Variants in SEMA5A observed in about 807,000 individuals in gnomAD.
SEMA5A encodes the protein semaphorin 5A.
A neutral mutation model predicts 135.5 loss-of-function variants in SEMA5A; 55 were observed. The observed-to-expected ratio is 0.41, with a 90% CI of 0.33 to 0.51. SEMA5A has a LOEUF of 0.51. SEMA5A is among the 20% of genes least tolerant of loss of function. SEMA5A has a pLI of 0.37. For synonymous variants in SEMA5A, 580 were observed against 546.5 expected (o/e 1.06, Z -0.85); for missense variants, 1,290 against 1,419.9 (o/e 0.91, Z 1.47).
At chr5:9,160,314 T>A (rs1743183123) in intron 11 of SEMA5A, among the ~76,000 whole-genome samples, 1 of 152,144 alleles carries the variant, frequency 6.6e-6, no homozygotes, top group South Asian at 2.1e-4. Context: ...AATGACCCCC[T>A]CCCTCTGTAC....
intron 2 of SEMA5A, among the ~76,000 whole-genome samples, chr5:9,417,452 A>G (rs1186917984): frequency 1.3e-5 from 2 of 152,158 alleles, no homozygotes; most frequent in African/African-American, 4.8e-5. Context: ...TTTTCTTTCA[A>G]CTATCCATAT....
At chr5:9,476,810 T>A (rs1759683929) in intron 1 of SEMA5A, among the ~76,000 whole-genome samples, 1 of 152,128 alleles carries the variant, frequency 6.6e-6, no homozygotes, top group Non-Finnish European at 1.5e-5. Context: ...TGGTGGCTCA[T>A]ATCTGTCATC....
chr5:9,426,842 CACTT>C (rs1757679420), intron 2 of SEMA5A, among the ~76,000 whole-genome samples: 1 of 152,134 alleles, frequency 6.6e-6, no homozygotes, highest in Admixed American at 6.5e-5. Flanking sequence ...ACAAACAAAA[CACTT>C]AATATTATAA....
intron 2 of SEMA5A, among the ~76,000 whole-genome samples, chr5:9,394,065 G>A (rs557264422): frequency 8.6e-5 from 13 of 152,046 alleles, no homozygotes; most frequent in South Asian, 2.1e-4. Context: ...TTTTGAATTC[G>A]ATAAAAGTAA....
chr5:9,150,716 T>C (rs1742587998), intron 12 of SEMA5A, among the ~76,000 whole-genome samples: 1 of 152,108 alleles, frequency 6.6e-6, no homozygotes, highest in Admixed American at 6.6e-5. Flanking sequence ...GAGACTCAGC[T>C]TAGAAAGCTT....
At position 9,190,395 on chromosome 5, in the gene SEMA5A, A is replaced by G; in HGVS notation, c.1145T>C (p.Met382Thr). Residue 382 changes from methionine to threonine, a missense_variant, in exon 11 of 23, where the codon ATG becomes ACG. By Grantham distance (81) the Met-to-Thr change is moderately conservative (BLOSUM62 -1). Transcript: ENST00000382496. ...GGTCACTGGCTGTACCACCTCATGCATCAGAATGAACTTCTGAGCATCCTG... is the reference window on the plus strand; with the variant it reads ...GGTCACTGGCTGTACCACCTCATGCGTCAGAATGAACTTCTGAGCATCCTG... The part of the protein sequence containing the change: ...NLQDAQKFIL[M>T]HEVVQPVTTV... 6.2e-7 allele frequency: 1 copy of G among 1,613,962 alleles called. No individual in the cohort carries two copies. Among genetic ancestry groups the G allele is most frequent in the Non-Finnish European group, 8.5e-7 (1 of 1,179,998 alleles).
At chr5:9,046,756 G>C (rs1323650185) in intron 21 of SEMA5A, among the ~76,000 whole-genome samples, 1 of 152,218 alleles carries the variant, frequency 6.6e-6, no homozygotes, top group Admixed American at 6.5e-5. Flanking sequence ...CAGGAACCCA[G>C]GACTTTGGAG....
At chr5:9,192,671 CAT>C (rs143480420) in intron 10 of SEMA5A, among the ~76,000 whole-genome samples, 2,866 of 152,232 alleles carry the variant, frequency 0.019, 78 homozygotes, top group African/African-American at 0.063. Context: ...CCTGTCAACA[CAT>C]GTTTTAAAAA....
intron 12 of SEMA5A, among the ~76,000 whole-genome samples, chr5:9,142,971 C>G (rs895994488): frequency 2.1e-5 from 3 of 143,338 alleles, no homozygotes; most frequent in Non-Finnish European, 3.1e-5. Context: ...AACAAACAAA[C>G]AAATTATCTT....
At chr5:9,202,262 G>T in intron 8 of SEMA5A, 22 bp from the exon 9 acceptor site, 4 of 1,601,972 alleles carry the variant, frequency 2.5e-6, no homozygotes, top group Non-Finnish European at 3.4e-6. Context: ...AGAAAAGAGG[G>T]AAAAAATCTC....
intron 16 of SEMA5A, among the ~76,000 whole-genome samples, chr5:9,089,620 T>C (rs1335764215): frequency 1.3e-5 from 2 of 152,194 alleles, no homozygotes; most frequent in African/African-American, 2.4e-5. Flanking sequence ...ACCACCCTTA[T>C]TTCTTTACCT....
chr5:9,427,703 C>A (rs981606262), intron 2 of SEMA5A, among the ~76,000 whole-genome samples: 2 of 152,116 alleles, frequency 1.3e-5, no homozygotes, highest in African/African-American at 4.8e-5. Flanking sequence ...GTGTGTGTAT[C>A]CACAGTCACA....
chr5:9,520,365 G>A (rs1736756281), intron 1 of SEMA5A, among the ~76,000 whole-genome samples: 4 of 152,198 alleles, frequency 2.6e-5, no homozygotes, highest in Admixed American at 2.6e-4. Context: ...AGAGAACAGA[G>A]GAATGGCGTG....
intron 16 of SEMA5A, among the ~76,000 whole-genome samples, chr5:9,067,145 T>C (rs945107042): frequency 6.6e-6 from 1 of 152,180 alleles, no homozygotes; most frequent in Admixed American, 6.5e-5. Context: ...TTTTTACGTA[T>C]AAGGTTTCCC....
chr5:9,365,193 T>C (rs1309347582), intron 3 of SEMA5A, among the ~76,000 whole-genome samples: 6 of 152,212 alleles, frequency 3.9e-5, no homozygotes. Flanking sequence ...GGATCTTCCT[T>C]GCTAACAGAA....
intron 16 of SEMA5A, among the ~76,000 whole-genome samples, chr5:9,074,059 A>G (rs1172187388): frequency 6.6e-6 from 1 of 152,174 alleles, no homozygotes; most frequent in Non-Finnish European, 1.5e-5. Flanking sequence ...GGCAAGGAAG[A>G]ACAAAGTAGG....
chr5:9,422,776 CAG>C (rs1757514368), intron 2 of SEMA5A, among the ~76,000 whole-genome samples: 1 of 152,104 alleles, frequency 6.6e-6, no homozygotes. Flanking sequence ...AATTTTTTAT[CAG>C]ACTATTATTG....
intron 3 of SEMA5A, among the ~76,000 whole-genome samples, chr5:9,366,838 T>C (rs924451634): frequency 6.6e-6 from 1 of 152,230 alleles, no homozygotes; most frequent in Non-Finnish European, 1.5e-5. Context: ...ACCTTAGATA[T>C]AGTAGCCCTA....
chr5:9,189,751 T>A (rs1025822965), intron 11 of SEMA5A, among the ~76,000 whole-genome samples: 1 of 152,256 alleles, frequency 6.6e-6, no homozygotes, highest in Non-Finnish European at 1.5e-5. Context: ...AATTGTCATT[T>A]GTAATTTGAA....
Sources: allele counts gnomAD v4.1 joint callset (sites outside exome capture counted in the v4.1 genomes callset), GRCh38; gene constraint gnomAD v4.1.1; transcripts MANE v1.5; gene names NCBI Gene and HGNC (gene_info 2026-07-23, HGNC 2026-07-21).